Variants in ASXL1 observed in about 807,000 individuals in gnomAD.
The protein encoded by ASXL1 is ASXL transcriptional regulator 1.
In ASXL1, 65 loss-of-function variants were observed where a neutral mutation model predicts 89.1. That is an observed-to-expected ratio of 0.73 (90% confidence interval 0.60 to 0.90). The LOEUF is 0.90. ASXL1 is among the 40% of genes least tolerant of loss of function. ASXL1 has a pLI of 0.00. For missense variants in ASXL1, 1,786 were observed against 1,942.9 expected, an observed-to-expected ratio of 0.92 and a Z score of 1.52; for synonymous variants, 739 against 746.9, an observed-to-expected ratio of 0.99 and a Z score of 0.17.
At chr20:32,396,992 C>CAA (rs1302236034) in intron 4 of ASXL1, among the ~76,000 whole-genome samples, 45 of 104,992 alleles carry the variant, frequency 4.3e-4, no homozygotes, top group African/African-American at 6.2e-4. Context: ...TTAAACATTG[C>CAA]AAAAAAAAAA....
intron 4 of ASXL1, among the ~76,000 whole-genome samples, chr20:32,386,547 A>ATT (rs2048582145): frequency 2.6e-5 from 4 of 152,018 alleles, no homozygotes; most frequent in Non-Finnish European, 5.9e-5. Context: ...CCACTGGAAT[A>ATT]GCTGGGATTA....
In ASXL1 at chr20:32,434,724, C is replaced by T; in HGVS notation, c.2012C>T (p.Ala671Val). The T allele has an allele frequency of 6.2e-7, 1 of 1,611,436 alleles. No individual in the cohort carries two copies. Among genetic ancestry groups the T allele is most frequent in the Non-Finnish European group, 8.5e-7 (1 of 1,179,238 alleles). Residue 671 changes from alanine to valine, a missense_variant, in exon 13 of 13, where the codon GCC becomes GTC. Physicochemically the swap from Ala to Val is moderately conservative, Grantham distance 64 (BLOSUM62 0). Transcript: ENST00000375687. ...AGCAGCAGTGGTGATGGTGGTGAGG[C>T]CTGTGGCCACCCTGAGCCCAGGGGA... Reference protein sequence around the residue: ...RGSSSGDGGEACGHPEPRGGP... With the variant: ...RGSSSGDGGEVCGHPEPRGGP...
rs1173039750 is a variant in ASXL1 at position 32,386,786 on chromosome 20, TCTC to T, written c.252+17664_252+17666del. The stretch of plus-strand genomic sequence containing the variant: ...TGATCTTTTGTGTATGACCTCTCTC[TCTC>T]TTTTTTTTTTTTTTTTGCTACCTCT... On this transcript the variant is annotated intron_variant, in intron 4 of 12. Coordinates refer to ENST00000375687, the MANE Select transcript of ASXL1 (RefSeq NM_015338.6). Among the ~76,000 whole-genome samples the T allele has an allele frequency of 5.2e-4, 23 of 44,116 alleles. 1 individual carries two copies. The highest frequency in any genetic ancestry group is 6.8e-4 in the Admixed American group (2 of 2,954). 28.9% of individuals were successfully genotyped at this position (44,116 alleles called of 152,430 possible). A position where few individuals can be genotyped will look rare whatever the true frequency, so the allele number is the denominator to read the frequency against.
At chr20:32,418,432 T>C (rs1186312200) in intron 4 of ASXL1, among the ~76,000 whole-genome samples, 1 of 152,188 alleles carries the variant, frequency 6.6e-6, no homozygotes, top group East Asian at 1.9e-4. Context: ...TAAGCCATTG[T>C]TTACCTACTT....
chr20:32,427,687 T>TC (rs2011366944), intron 4 of ASXL1: 1 of 234,680 alleles, frequency 4.3e-6, no homozygotes, highest in South Asian at 5.8e-5. Context: ...TGATCGTTAT[T>TC]CACCTCCATG....
chr20:32,433,283 G>T lies in ASXL1; in HGVS notation c.1086-1G>T, dbSNP rs777661872. On this transcript the variant is annotated splice_acceptor_variant, in intron 11 of 12. Coordinates refer to ENST00000375687, the MANE Select transcript of ASXL1 (RefSeq NM_015338.6). LOFTEE classifies it high-confidence loss of function. The stretch of plus-strand genomic sequence containing the variant: ...CTGATGGCTGTGATTTTGATTTGCA[G>T]GCTGGGTTTGACCAAAGAAGAGTCA... The T allele has an allele frequency of 1.2e-6, 2 of 1,614,168 alleles. No homozygotes were observed. The highest frequency in any genetic ancestry group is 1.7e-6 in the Non-Finnish European group (2 of 1,180,040).
intron 4 of ASXL1, among the ~76,000 whole-genome samples, chr20:32,406,643 C>T (rs544294679): frequency 3.3e-4 from 50 of 152,152 alleles, no homozygotes; most frequent in Non-Finnish European, 6.6e-4. Context: ...CTTTACTTTG[C>T]TTGGACTCCA....
chr20:32,398,619 T>G (rs1306140000), intron 4 of ASXL1, among the ~76,000 whole-genome samples: 25 of 144,344 alleles, frequency 1.7e-4, no homozygotes, highest in Admixed American at 7.5e-4. Flanking sequence ...TTTTTTGTTT[T>G]TTTTTTTTGA....
intron 4 of ASXL1, among the ~76,000 whole-genome samples, chr20:32,398,888 C>A (rs1179116341): frequency 2.0e-5 from 3 of 150,974 alleles, no homozygotes; most frequent in Admixed American, 6.6e-5. Context: ...GGATTACAGG[C>A]GTGAGCCACC....
intron 4 of ASXL1, among the ~76,000 whole-genome samples, chr20:32,396,271 A>G (rs1462648409): frequency 6.6e-6 from 1 of 152,092 alleles, no homozygotes; most frequent in Non-Finnish European, 1.5e-5. Context: ...AGTTCTTTGC[A>G]ATCCTAATAA....
Position 32,439,151 on chromosome 20 carries a change from C to G in ASXL1, c.*1813C>G, listed in dbSNP as rs41289854. ...ACTTAAGCGTCTGTTTACCAAAGAC[C>G]GGGAACAGGGGCCCAAACATGTCCA... On this transcript the variant is annotated 3_prime_UTR_variant, in exon 13 of 13. Coordinates refer to ENST00000375687, the MANE Select transcript of ASXL1 (RefSeq NM_015338.6). 1 of 233,514 alleles carries G rather than the reference C, an allele frequency of 4.3e-6. No individual in the cohort carries two copies. Among genetic ancestry groups the G allele is most frequent in the Non-Finnish European group, 8.5e-6 (1 of 117,948 alleles). 14.5% of individuals were successfully genotyped at this position (233,514 alleles called of 1,614,324 possible).
At chr20:32,372,409 G>A in intron 4 of ASXL1, 1 of 1,112,290 alleles carries the variant, frequency 9.0e-7, no homozygotes, top group Non-Finnish European at 1.1e-6. Flanking sequence ...GATATTCGTT[G>A]TGCTCTTTTA....
At position 32,377,972 on chromosome 20, in the gene ASXL1, C is replaced by CTGTGTGTGTGTGTGTGTGTGTGTG. The variant is rs112878923; in HGVS notation, c.252+8857_252+8880dup. On this transcript the variant is annotated intron_variant, in intron 4 of 12. Coordinates refer to ENST00000375687, the MANE Select transcript of ASXL1 (RefSeq NM_015338.6). ...CTGGCCCCAAAATAAAGTTTTGACT[C>CTGTGTGTGTGTGTGTGTGTGTGTG]TGTGTGTGTGTGTGTGTGTGTGTGT... Among the ~76,000 whole-genome samples the CTGTGTGTGTGTGTGTGTGTGTGTG allele has an allele frequency of 6.3e-3, 729 of 115,384 alleles. 26 individuals are homozygous for CTGTGTGTGTGTGTGTGTGTGTGTG. The highest frequency in any genetic ancestry group is 0.014 in the Middle Eastern group (3 of 212). 75.7% of individuals were successfully genotyped at this position (115,384 alleles called of 152,430 possible). A position where few individuals can be genotyped will look rare whatever the true frequency, so the allele number is the denominator to read the frequency against.
intron 4 of ASXL1, among the ~76,000 whole-genome samples, chr20:32,423,090 T>C (rs115128089): frequency 0.01 from 1,591 of 152,236 alleles, 33 homozygotes; most frequent in African/African-American, 0.036. Context: ...GTCAAACTTA[T>C]AGAGTTTATA....
At chr20:32,359,952 CTT>C (rs2048083324) in intron 1 of ASXL1, 3 of 661,706 alleles carry the variant, frequency 4.5e-6, no homozygotes, top group Non-Finnish European at 8.4e-6. Flanking sequence ...ATAAGTGTCT[CTT>C]GACACTGTAG....
chr20:32,389,635 G>C (rs2048638560), intron 4 of ASXL1, among the ~76,000 whole-genome samples: 1 of 152,076 alleles, frequency 6.6e-6, no homozygotes, highest in Non-Finnish European at 1.5e-5. Context: ...GTCCAGGCTG[G>C]AGTGCAGTGG....
intron 4 of ASXL1, among the ~76,000 whole-genome samples, chr20:32,398,925 A>G (rs1350304893): frequency 1.3e-5 from 2 of 150,410 alleles, no homozygotes; most frequent in African/African-American, 4.9e-5. Context: ...TGTTTTAGTA[A>G]GATACTTTTG....
At position 32,435,425 on chromosome 20, in the gene ASXL1, G is replaced by C. The variant is rs752352233; in HGVS notation, c.2713G>C (p.Asp905His). 1.9e-6 allele frequency: 3 copies of C among 1,614,124 alleles called. 1 individual carries two copies. Among genetic ancestry groups the C allele is most frequent in the Middle Eastern group, 1.6e-4 (1 of 6,062 alleles). Residue 905 changes from aspartate (D) to histidine (H), a missense_variant, in exon 13 of 13, where the codon GAT (aspartate) becomes CAT (histidine). Asp to His is a moderately conservative substitution (Grantham distance 81, BLOSUM62 -1). This residue lies in a region of ASXL1 where 1,418 missense variants were observed against 1,427.8 expected (regional missense o/e 0.99). Transcript: ENST00000375687. ...GCATTGGATACCCATCCCATCGAATGATGAGGTAGTGAAACAGCCCAAACC... is the reference window on the plus strand; with the variant it reads ...GCATTGGATACCCATCCCATCGAATCATGAGGTAGTGAAACAGCCCAAACC... ...SLHWIPIPSN[D>H]EVVKQPKPES...
rs575302009 is a variant in ASXL1 at position 32,374,630 on chromosome 20, G to T, written c.252+5507G>T. On this transcript the variant is annotated intron_variant, in intron 4 of 12. Coordinates refer to ENST00000375687, the MANE Select transcript of ASXL1 (RefSeq NM_015338.6). ...TTTGAAGGCTGTTTTAAGAATTCCAGATTTCCAGCCATGAATGTGTGATTA... is the reference window on the plus strand; with the variant it reads ...TTTGAAGGCTGTTTTAAGAATTCCATATTTCCAGCCATGAATGTGTGATTA... 2.0e-5 allele frequency among the ~76,000 whole-genome samples: 3 copies of T among 152,054 alleles called. No individual in the cohort carries two copies. The South Asian group carries it at 6.2e-4, about 32-fold the overall frequency.
Sources: gnomAD v4.1 joint callset for allele counts (sites outside exome capture counted in the v4.1 genomes callset) on GRCh38, gnomAD v4.1.1 for gene constraint, gnomAD v4.1.1 regional missense constraint, MANE v1.5 for transcripts, NCBI Gene and HGNC (gene_info 2026-07-23, HGNC 2026-07-21) for gene names.